The following ADAMTS9 variants were observed in gnomAD, a reference collection of about 807,000 sequenced individuals.
The protein encoded by ADAMTS9 is A disintegrin and metalloproteinase with thrombospondin motifs 9.
In ADAMTS9, 107 loss-of-function variants were observed where a neutral mutation model predicts 257.1. That is an observed-to-expected ratio of 0.42 (90% CI 0.36 to 0.49). The LOEUF (loss-of-function observed/expected upper bound fraction) is 0.49. ADAMTS9 is among the 20% of genes least tolerant of loss of function. ADAMTS9 has a pLI of 0.03. For synonymous variants in ADAMTS9, 982 were observed against 880.9 expected, an observed-to-expected ratio of 1.11 and a Z score of -2.03; for missense variants, 2,353 against 2,469.1, an observed-to-expected ratio of 0.95 and a Z score of 1.00.
rs193261670 is a variant in ADAMTS9, at chr3:64,527,086, C to T, written c.5719-4826G>A. Among the ~76,000 whole-genome samples, 109 of 152,206 alleles carry T rather than the reference C, an allele frequency of 7.2e-4. 2 individuals are homozygous for T. The highest frequency in any genetic ancestry group is 5.8e-3 in the South Asian group (28 of 4,826). On this transcript the variant is annotated intron_variant, in intron 38 of 39. Coordinates refer to ENST00000498707, the MANE Select transcript of ADAMTS9 (RefSeq NM_182920.2). ...ATCCTAAAGAATAAAAACAGCCACA[C>T]GGAGCAAGTAAATACCAAAAACCCA...
Position 64,596,996 on chromosome 3 carries a change from A to C in ADAMTS9, c.4018-5T>G, listed in dbSNP as rs769244082. 8.1e-6 allele frequency: 13 copies of C among 1,613,634 alleles called. No homozygotes were observed. The highest frequency in any genetic ancestry group is 2.7e-5 in the African/African-American group (2 of 74,890). On this transcript the variant is annotated splice_polypyrimidine_tract_variant and splice_region_variant and intron_variant, in intron 26 of 39. Coordinates refer to ENST00000498707, the MANE Select transcript of ADAMTS9 (RefSeq NM_182920.2). The stretch of plus-strand genomic sequence containing the variant: ...GCCAGCACAGGTACTGGAACACTAA[A>C]CACATCAGTCGACAAGTTAATCCCC...
At chr3:64,584,170 C>CT (rs1454972842) in intron 28 of ADAMTS9, 12 of 152,032 alleles carry the variant, frequency 7.9e-5, no homozygotes, top group Admixed American at 7.9e-4. Context: ...TGGGAAAATG[C>CT]TTTCATTTTC....
chr3:64,547,529 TTG>T, intron 31 of ADAMTS9, among the ~76,000 whole-genome samples: 1 of 150,010 alleles, frequency 6.7e-6, no homozygotes, highest in East Asian at 2.0e-4. Flanking sequence ...TTTTTTTTTT[TTG>T]AGACTGTGTC....
intron 19 of ADAMTS9, among the ~76,000 whole-genome samples, chr3:64,619,762 A>G (rs1178443513): frequency 2.0e-5 from 3 of 152,188 alleles, no homozygotes; most frequent in African/African-American, 7.2e-5. Context: ...ATAATTTGAT[A>G]TAAGGCTACC....
intron 37 of ADAMTS9, among the ~76,000 whole-genome samples, chr3:64,535,045 A>G (rs2083032113): frequency 6.6e-6 from 1 of 152,218 alleles, no homozygotes; most frequent in South Asian, 2.1e-4. Context: ...GGCACAATGC[A>G]CGTCACGCAT....
In ADAMTS9 at chr3:64,539,139, G is replaced by A; in HGVS notation, c.5613+64C>T. On this transcript the variant is annotated intron_variant, in intron 37 of 39. Coordinates refer to ENST00000498707, the MANE Select transcript of ADAMTS9 (RefSeq NM_182920.2). ...CACATTCCCAGGAACAGATGCAACT[G>A]AGGATGTTCCCGGGAAAGGTGGGAG... The A allele has an allele frequency of 4.0e-6, 6 of 1,485,976 alleles. No individual in the cohort carries two copies. In the South Asian group the frequency reaches 6.8e-5, roughly 17 times the overall value. 92.0% of individuals were successfully genotyped at this position (1,485,976 alleles called of 1,614,324 possible).
intron 30 of ADAMTS9, 190 bp downstream of exon 30, chr3:64,561,388 G>T: frequency 4.6e-6 from 2 of 432,280 alleles, no homozygotes; most frequent in Non-Finnish European, 3.9e-6. Flanking sequence ...CGTAGGAATT[G>T]CTTAAAAACA....
At chr3:64,641,568 C>A (rs1700643366) in intron 12 of ADAMTS9, among the ~76,000 whole-genome samples, 2 of 146,990 alleles carry the variant, frequency 1.4e-5, no homozygotes, top group Admixed American at 7.1e-5. Flanking sequence ...GAGAGTGAGA[C>A]CTGCCTGATT....
intron 29 of ADAMTS9, among the ~76,000 whole-genome samples, chr3:64,566,325 G>A (rs1174084865): frequency 6.6e-6 from 1 of 152,128 alleles, no homozygotes. Flanking sequence ...TACCCATGCA[G>A]TACTTTGTCT....
chr3:64,594,634 T>C (rs927058019), intron 27 of ADAMTS9, among the ~76,000 whole-genome samples, 200 bp from the exon 28 acceptor site: 3 of 152,222 alleles, frequency 2.0e-5, no homozygotes, highest in Admixed American at 6.5e-5. Context: ...GTATTAGTTA[T>C]TAAGTGCTTT....
chr3:64,598,798 T>A (rs562404648), intron 26 of ADAMTS9, among the ~76,000 whole-genome samples: 3 of 152,288 alleles, frequency 2.0e-5, no homozygotes, highest in Non-Finnish European at 4.4e-5. Context: ...TAATATAATC[T>A]TGTATCATTC....
At chr3:64,683,885 G>C (rs1701822784) in intron 2 of ADAMTS9, among the ~76,000 whole-genome samples, 1 of 152,110 alleles carries the variant, frequency 6.6e-6, no homozygotes, top group African/African-American at 2.4e-5. Flanking sequence ...CATCATAAGA[G>C]AGACTCTCAG....
intron 29 of ADAMTS9, among the ~76,000 whole-genome samples, chr3:64,563,992 A>T (rs2083477102): frequency 6.6e-6 from 1 of 152,240 alleles, no homozygotes; most frequent in South Asian, 2.1e-4. Context: ...CCCATGAATA[A>T]AACAGCAGCA....
chr3:64,611,175 C>T (rs2084659977), intron 22 of ADAMTS9, among the ~76,000 whole-genome samples: 1 of 150,588 alleles, frequency 6.6e-6, no homozygotes, highest in African/African-American at 2.4e-5. Context: ...AAGCCAGGTA[C>T]TGAAATAAAT....
At chr3:64,558,011 G>A (rs952874053) in intron 30 of ADAMTS9, among the ~76,000 whole-genome samples, 16 of 152,188 alleles carry the variant, frequency 1.1e-4, no homozygotes, top group Non-Finnish European at 1.5e-4. Context: ...ATCAAGACTC[G>A]CCTGGTGACA....
chr3:64,564,210 C>T (rs7625380), intron 29 of ADAMTS9, among the ~76,000 whole-genome samples: 71,104 of 152,012 alleles, frequency 0.47, 16,954 homozygotes, highest in Non-Finnish European at 0.51. Flanking sequence ...ACGTTTTTCA[C>T]TCTGAACTCC....
chr3:64,561,727 C>A lies in ADAMTS9; in HGVS notation c.4549G>T (p.Val1517Leu), dbSNP rs868532784. 13 of 1,612,978 alleles carry A rather than the reference C, an allele frequency of 8.1e-6. No homozygotes were observed. Among genetic ancestry groups the A allele is most frequent in the South Asian group, 1.1e-5 (1 of 91,026 alleles). ...TGACAGCCCACATGCCTCTGCTGTA[C>A]GCCTCGGCCACAGGACACAGAGCAC... ...SQCSVSCGRG[V>L]QQRHVGCQIG... Residue 1517 changes from valine to leucine, a missense_variant, in exon 30 of 40, where the codon GTA becomes TTA. This residue lies in a region of ADAMTS9 where 1,402 missense variants were observed against 1,441.4 expected (regional missense o/e 0.97). Transcript: ENST00000498707.
At chr3:64,659,773 T>A (rs992066696) in intron 3 of ADAMTS9, among the ~76,000 whole-genome samples, 1 of 152,164 alleles carries the variant, frequency 6.6e-6, no homozygotes, top group Admixed American at 6.5e-5. Context: ...AATGTCAGAT[T>A]AGCTCTACTC....
At chr3:64,684,362 CAG>C (rs1701840596) in intron 2 of ADAMTS9, among the ~76,000 whole-genome samples, 1 of 102,518 alleles carries the variant, frequency 9.8e-6, no homozygotes. Flanking sequence ...AGATGAAATT[CAG>C]AAAAACTGAC....
Sources: gnomAD v4.1 joint callset for allele counts (sites outside exome capture counted in the v4.1 genomes callset) on GRCh38, gnomAD v4.1.1 for gene constraint, gnomAD v4.1.1 regional missense constraint, MANE v1.5 for transcripts, NCBI Gene and HGNC (gene_info 2026-07-23, HGNC 2026-07-21) for gene names.